TENM3: variants seen among roughly 807,000 people sequenced by gnomAD.
The protein encoded by TENM3 is teneurin-3.
Under a neutral mutation model 255.1 loss-of-function variants are expected in TENM3, and 63 were observed. The ratio of observed to expected loss-of-function variants is 0.25; its 90% CI spans 0.20 to 0.30. The LOEUF is 0.30. Among genes scored for constraint, TENM3 ranks in the 10% least tolerant of loss-of-function variants. TENM3 has a pLI of 1.00. For missense variants in TENM3, 2,929 were observed against 3,461.1 expected (o/e 0.85, Z 3.86); for synonymous variants, 1,306 against 1,322.3 (o/e 0.99, Z 0.27).
chr4:181,982,145 G>C, the TENM3 span, among the ~76,000 whole-genome samples: 24 of 152,186 alleles, frequency 1.6e-4, no homozygotes, highest in South Asian at 1.7e-3. Flanking sequence ...AAAGAAAGAC[G>C]ACGGCTATCA....
the TENM3 span, among the ~76,000 whole-genome samples, chr4:181,987,321 G>A: frequency 3.3e-5 from 5 of 152,072 alleles, no homozygotes; most frequent in African/African-American, 1.2e-4. Context: ...ATTGTGTAAG[G>A]GAATCCGATA....
chr4:182,244,086 T>C lies in TENM3; in HGVS notation c.-76+610T>C, dbSNP rs529900810. On this transcript the variant is annotated intron_variant, in intron 1 of 27. Coordinates refer to ENST00000511685, the MANE Select transcript of TENM3 (RefSeq NM_001080477.4). ...CTCCTGCCTCAGCCTCCCGAGTAGC[T>C]GGGACTACAGGCGCCCGCCACCACG... Among the ~76,000 whole-genome samples the C allele has an allele frequency of 8.5e-3, 1,287 of 151,334 alleles. 18 individuals are homozygous for C. Among genetic ancestry groups the C allele is most frequent in the African/African-American group, 0.03 (1,218 of 41,228 alleles).
At chr4:182,494,198 A>G (rs926309420) in intron 3 of TENM3, among the ~76,000 whole-genome samples, 3 of 152,182 alleles carry the variant, frequency 2.0e-5, no homozygotes, top group Non-Finnish European at 2.9e-5. Flanking sequence ...AAAAGACATC[A>G]GTGTATGATA....
At chr4:181,855,993 G>GGGAA in the TENM3 span, among the ~76,000 whole-genome samples, 12 of 65,218 alleles carry the variant, frequency 1.8e-4, no homozygotes, top group African/African-American at 4.7e-4. Context: ...GAAAGAAGGA[G>GGGAA]GGAAGGAAGG....
At chr4:181,916,783 A>G in the TENM3 span, among the ~76,000 whole-genome samples, 1 of 152,118 alleles carries the variant, frequency 6.6e-6, no homozygotes, top group Non-Finnish European at 1.5e-5. Context: ...AGGCTGAGAC[A>G]GGAGAATCGT....
At chr4:182,106,052 G>A in the TENM3 span, among the ~76,000 whole-genome samples, 2 of 152,164 alleles carry the variant, frequency 1.3e-5, no homozygotes, top group African/African-American at 4.8e-5. Context: ...AGGTGTGGTA[G>A]GCCCCCACCC....
intron 1 of TENM3, among the ~76,000 whole-genome samples, chr4:182,293,191 TG>T (rs1213272270): frequency 2.0e-5 from 3 of 152,158 alleles, no homozygotes; most frequent in Non-Finnish European, 4.4e-5. Flanking sequence ...ACGTAACAAG[TG>T]GAGTCCATAG....
intron 3 of TENM3, among the ~76,000 whole-genome samples, chr4:182,359,731 C>A (rs545664432): frequency 2.4e-3 from 357 of 151,534 alleles, no homozygotes; most frequent in Admixed American, 6.2e-3. Flanking sequence ...CAGTTCTGCT[C>A]TGATTTTAGT....
the TENM3 span, among the ~76,000 whole-genome samples, chr4:181,878,948 G>A: frequency 1.3e-5 from 2 of 151,880 alleles, no homozygotes; most frequent in Admixed American, 1.3e-4. Flanking sequence ...CTCTGTTCTT[G>A]GCAGCTGCAT....
chr4:181,822,748 C>T, the TENM3 span, among the ~76,000 whole-genome samples: 1 of 152,106 alleles, frequency 6.6e-6, no homozygotes, highest in Admixed American at 6.5e-5. Context: ...AAATGAATTT[C>T]CAAATATAAG....
intron 23 of TENM3, 114 bp downstream of exon 23, chr4:182,773,761 A>C: frequency 1.1e-6 from 1 of 883,916 alleles, no homozygotes; most frequent in South Asian, 1.8e-5. Context: ...AAACCTCTAG[A>C]AATATTGGTG....
At chr4:181,767,108 A>C in the TENM3 span, among the ~76,000 whole-genome samples, 89,150 of 134,692 alleles carry the variant, frequency 0.66, 30,698 homozygotes, top group Non-Finnish European at 0.76. Flanking sequence ...AAAAATTAGC[A>C]GGGCGTGGTG....
the TENM3 span, among the ~76,000 whole-genome samples, chr4:181,809,251 G>C: frequency 1.6e-3 from 246 of 152,216 alleles, no homozygotes; most frequent in African/African-American, 5.6e-3. Context: ...TTGACCACAG[G>C]GTATTTATTC....
the TENM3 span, among the ~76,000 whole-genome samples, chr4:181,454,243 C>T: frequency 2.6e-5 from 4 of 152,140 alleles, no homozygotes; most frequent in African/African-American, 9.7e-5. Flanking sequence ...AAATACCCCT[C>T]AAGGTGCCCC....
chr4:182,724,733 G>A (rs143389599), intron 13 of TENM3, among the ~76,000 whole-genome samples: 136 of 152,294 alleles, frequency 8.9e-4, no homozygotes, highest in Admixed American at 1.4e-3. Flanking sequence ...GCATTATGGC[G>A]GGGGAGAAGA....
chr4:181,832,254 G>A, the TENM3 span, among the ~76,000 whole-genome samples: 3 of 152,082 alleles, frequency 2.0e-5, no homozygotes, highest in South Asian at 2.1e-4. Flanking sequence ...AAAATATATC[G>A]GAAAAAGACC....
chr4:181,677,770 T>A, the TENM3 span, among the ~76,000 whole-genome samples: 1 of 152,100 alleles, frequency 6.6e-6, no homozygotes, highest in Non-Finnish European at 1.5e-5. Flanking sequence ...CTGGCCATAC[T>A]TAGCCCTGGA....
At chr4:181,497,862 T>A in the TENM3 span, among the ~76,000 whole-genome samples, 1 of 152,198 alleles carries the variant, frequency 6.6e-6, no homozygotes, top group South Asian at 2.1e-4. Flanking sequence ...CAATGGTAGG[T>A]ATTCCACTAA....
the TENM3 span, among the ~76,000 whole-genome samples, chr4:181,712,663 G>A: frequency 6.6e-6 from 1 of 152,114 alleles, no homozygotes; most frequent in East Asian, 1.9e-4. Context: ...GCTCTCTTGG[G>A]AAACAGATAG....
Sources: gnomAD v4.1 joint callset for allele counts (sites outside exome capture counted in the v4.1 genomes callset) on GRCh38, gnomAD v4.1.1 for gene constraint, MANE v1.5 for transcripts, NCBI Gene and HGNC (gene_info 2026-07-23, HGNC 2026-07-21) for gene names.